The following CSNK2A1 variants were observed in gnomAD, a reference collection of about 807,000 sequenced individuals.
CSNK2A1 encodes casein kinase II subunit alpha.
Under a neutral mutation model 62.9 loss-of-function variants are expected in CSNK2A1, and 10 were observed. The observed-to-expected ratio is 0.16, with a 90% CI of 0.10 to 0.27. The LOEUF (loss-of-function observed/expected upper bound fraction) is 0.27, where lower values mean the gene tolerates loss of function less well. CSNK2A1 is among the 10% of genes least tolerant of loss of function. CSNK2A1 has a pLI of 1.00. For synonymous variants in CSNK2A1, 124 were observed against 167.8 expected, an observed-to-expected ratio of 0.74 and a Z score of 2.02; for missense variants, 160 against 492.0, an observed-to-expected ratio of 0.33 and a Z score of 6.38.
chr20:497,370 T>G (rs1407834602), intron 7 of CSNK2A1, among the ~76,000 whole-genome samples: 1 of 152,096 alleles, frequency 6.6e-6, no homozygotes, highest in East Asian at 1.9e-4. Context: ...CTGGTCTTGA[T>G]CTCCTGGCCT....
chr20:527,001 C>CAGACAGACAG lies in CSNK2A1; in HGVS notation c.-110+931_-110+932insCTGTCTGTCT, dbSNP rs1197678638. On this transcript the variant is annotated intron_variant, in intron 2 of 13. Transcript: ENST00000217244. ...AGAGAGAGAAAGAGAGAGAGACAGA[C>CAGACAGACAG]AGAGAGAGAGAGAGAGAGAGAGAGA... The CAGACAGACAG allele has an allele frequency of 3.2e-3, 317 of 97,886 alleles. 4 individuals carry two copies. The highest frequency in any genetic ancestry group is 0.012 in the African/African-American group (299 of 24,672). 6.1% of individuals were successfully genotyped at this position (97,886 alleles called of 1,614,324 possible). A position where few individuals can be genotyped will look rare whatever the true frequency, so the allele number is the denominator to read the frequency against.
chr20:495,990 C>T, intron 7 of CSNK2A1, 188 bp from the exon 8 acceptor site: 1 of 548,106 alleles, frequency 1.8e-6, no homozygotes, highest in Non-Finnish European at 3.3e-6. Flanking sequence ...ACTCAGCTCT[C>T]TGAGCTTAGA....
At position 482,001 on chromosome 20, in the gene CSNK2A1, TC is replaced by T. The variant is rs2017964646; in HGVS notation, c.*1959del. The T allele has an allele frequency of 6.6e-6, 1 of 152,162 alleles. No individual in the cohort carries two copies. Among genetic ancestry groups the T allele is most frequent in the Non-Finnish European group, 1.5e-5 (1 of 68,034 alleles). The allele number at this position is 152,162 out of a possible 1,614,324, so 9.4% of individuals were successfully genotyped here. On this transcript the variant is annotated 3_prime_UTR_variant, in exon 14 of 14. Coordinates refer to ENST00000217244, the MANE Select transcript of CSNK2A1 (RefSeq NM_177559.3). The stretch of plus-strand genomic sequence containing the variant: ...AGTCAGAATGTTTTCCCTTCAGCTC[TC>T]CCTACCGTTGAGAAGCGCTATAAAA...
intron 2 of CSNK2A1, among the ~76,000 whole-genome samples, chr20:522,541 A>C (rs2018973037): frequency 1.3e-5 from 2 of 152,226 alleles, no homozygotes; most frequent in Admixed American, 6.5e-5. Flanking sequence ...AAGAAGCTTC[A>C]CAGACTGGAG....
At position 488,687 on chromosome 20, in the gene CSNK2A1, A is replaced by G. The variant is rs755588741; in HGVS notation, c.815T>C (p.Ile272Thr). 3 of 1,613,796 alleles carry G rather than the reference A, an allele frequency of 1.9e-6. No individual in the cohort carries two copies. In the East Asian group the frequency reaches 6.7e-5, roughly 36 times the overall value. Residue 272 changes from isoleucine to threonine, a missense_variant, in exon 11 of 14, where the codon ATC becomes ACC. Physicochemically the swap from Ile to Thr is moderately conservative, Grantham distance 89 (BLOSUM62 -1). Transcript: ENST00000217244. Reference sequence around the variant, plus strand: ...TTGTTTCATGACTTACCTGCCCAAGATATCATTGAAACGTGGATCTAATTC... The same window carrying G: ...TTGTTTCATGACTTACCTGCCCAAGGTATCATTGAAACGTGGATCTAATTC... ...NIELDPRFNDILGRHSRKRWE... is the reference protein window; with the variant it reads ...NIELDPRFNDTLGRHSRKRWE...
intron 2 of CSNK2A1, among the ~76,000 whole-genome samples, chr20:510,899 T>C (rs968182121): frequency 1.3e-4 from 19 of 151,820 alleles, no homozygotes; most frequent in African/African-American, 4.1e-4. Flanking sequence ...TAAATTTTTT[T>C]TTTGTAAAGA....
chr20:475,662 C>T lies in CSNK2A1; in HGVS notation c.*8299G>A, dbSNP rs1025981660. On this transcript the variant is annotated 3_prime_UTR_variant, in exon 14 of 14. Transcript: ENST00000217244. ...ATATAACCTCATAAAGTTTTCCCAA[C>T]ACAGGCTCTATGCTTCCCTACTGCA... 1 of 142,662 alleles carries T rather than the reference C, an allele frequency of 7.0e-6. No homozygotes were observed. The highest frequency in any genetic ancestry group is 1.5e-5 in the Non-Finnish European group (1 of 65,644). 8.8% of individuals were successfully genotyped at this position (142,662 alleles called of 1,614,324 possible). A position where few individuals can be genotyped will look rare whatever the true frequency, so the allele number is the denominator to read the frequency against.
chr20:525,390 C>T (rs1197840884), intron 2 of CSNK2A1, among the ~76,000 whole-genome samples: 3 of 151,778 alleles, frequency 2.0e-5, no homozygotes, highest in Non-Finnish European at 4.4e-5. Context: ...CAGTGGCTCA[C>T]GCCTGTAATC....
chr20:478,684 T>C lies in CSNK2A1; in HGVS notation c.*5277A>G, dbSNP rs752063304. 2 of 421,778 alleles carry C rather than the reference T, an allele frequency of 4.7e-6. No homozygotes were observed. The highest frequency in any genetic ancestry group is 1.6e-5 in the South Asian group (1 of 61,602). The allele number at this position is 421,778 out of a possible 1,614,324, so 26.1% of individuals were successfully genotyped here. A position where few individuals can be genotyped will look rare whatever the true frequency, so the allele number is the denominator to read the frequency against. On this transcript the variant is annotated 3_prime_UTR_variant, in exon 14 of 14. Transcript: ENST00000217244. ...TGGCTCATGCCTCTAATCTCAGCAC[T>C]TTGGGAGGCCAAGGCGGGTAGACTG...
At chr20:484,688 ATGTTTT>A (rs897969412) in intron 13 of CSNK2A1, among the ~76,000 whole-genome samples, 54 of 138,480 alleles carry the variant, frequency 3.9e-4, no homozygotes, top group African/African-American at 1.6e-3. Flanking sequence ...CTCTCTAATC[ATGTTTT>A]TGTGTGTGTG....
At chr20:517,294 C>G (rs1227494488) in intron 2 of CSNK2A1, among the ~76,000 whole-genome samples, 1 of 152,248 alleles carries the variant, frequency 6.6e-6, no homozygotes, top group African/African-American at 2.4e-5. Flanking sequence ...AATGTCCATA[C>G]TTAACCTTAA....
chr20:499,609 C>G lies in CSNK2A1; in HGVS notation c.315+224G>C, dbSNP rs940721502. 5.3e-6 allele frequency: 3 copies of G among 565,602 alleles called. No individual in the cohort carries two copies. Among genetic ancestry groups the G allele is most frequent in the Non-Finnish European group, 9.3e-6 (3 of 323,328 alleles). 35.0% of individuals were successfully genotyped at this position (565,602 alleles called of 1,614,324 possible). A position where few individuals can be genotyped will look rare whatever the true frequency, so the allele number is the denominator to read the frequency against. The stretch of plus-strand genomic sequence containing the variant: ...AAAATGGATTAACACATTTCAGTTT[C>G]CAGTGCTATCAGTCTCTTAGCCTAG... On this transcript the variant is annotated intron_variant, in intron 5 of 13. Coordinates refer to ENST00000217244, the MANE Select transcript of CSNK2A1 (RefSeq NM_177559.3). The surrounding 1 kb of genome is among the most constrained non-coding windows in gnomAD (Gnocchi z 4.2).
intron 4 of CSNK2A1, 99 bp downstream of exon 4, chr20:505,019 G>T: frequency 2.1e-6 from 2 of 956,626 alleles, no homozygotes; most frequent in Non-Finnish European, 3.1e-6. Context: ...TATTTGCTTT[G>T]GCACCAAAAA....
chr20:496,061 C>G, intron 7 of CSNK2A1: 1 of 387,260 alleles, frequency 2.6e-6, no homozygotes, highest in East Asian at 4.8e-5. Flanking sequence ...CAAAGTATAC[C>G]CAAATTGCAC....
chr20:494,720 G>A (rs2018309756), intron 8 of CSNK2A1: 1 of 152,170 alleles, frequency 6.6e-6, no homozygotes, highest in South Asian at 2.1e-4. Flanking sequence ...TACATGATTT[G>A]GTTTTACCTC....
chr20:495,597 C>CCAA, intron 8 of CSNK2A1, 122 bp downstream of exon 8: 1 of 716,852 alleles, frequency 1.4e-6, no homozygotes. Context: ...ATTCATTCAC[C>CCAA]AAATATTTCT....
intron 3 of CSNK2A1, among the ~76,000 whole-genome samples, chr20:505,550 G>A (rs1049795938): frequency 5.9e-5 from 9 of 151,442 alleles, no homozygotes; most frequent in Admixed American, 3.9e-4. Context: ...TAGTAGAGAC[G>A]GCGGGTCCTC....
At chr20:489,726 T>G (rs2018176833) in intron 10 of CSNK2A1, 54 bp downstream of exon 10, 2 of 1,442,280 alleles carry the variant, frequency 1.4e-6, no homozygotes, top group Non-Finnish European at 1.9e-6. Flanking sequence ...CAGGCAGTGC[T>G]GGCTATCATT....
chr20:530,975 T>C (rs1461622001), intron 1 of CSNK2A1, among the ~76,000 whole-genome samples: 1 of 151,932 alleles, frequency 6.6e-6, no homozygotes, highest in Non-Finnish European at 1.5e-5. Flanking sequence ...TCTCAGCTAC[T>C]TGGGAGCCTG....
Sources: gnomAD v4.1 joint callset for allele counts (sites outside exome capture counted in the v4.1 genomes callset) on GRCh38, gnomAD v4.1.1 for gene constraint, Gnocchi (gnomAD v3.1) non-coding constraint, MANE v1.5 for transcripts, NCBI Gene and HGNC (gene_info 2026-07-23, HGNC 2026-07-21) for gene names.